GRID2: variants seen among roughly 807,000 people sequenced by gnomAD.
GRID2 encodes the protein glutamate receptor ionotropic, delta-2.
GRID2 carries 33 observed loss-of-function variants against 114.8 expected under a neutral mutation model. That is an observed-to-expected ratio of 0.29 (90% CI 0.22 to 0.38). The LOEUF is 0.38. Among genes scored for constraint, GRID2 ranks in the 10% least tolerant of loss-of-function variants. The pLI is 1.00. For missense variants in GRID2, 1,184 were observed against 1,257.7 expected (o/e 0.94, Z 0.89); for synonymous variants, 505 against 449.9 (o/e 1.12, Z -1.55).
intron 2 of GRID2, among the ~76,000 whole-genome samples, chr4:92,663,331 T>C (rs1402755436): frequency 1.3e-5 from 2 of 151,236 alleles, no homozygotes; most frequent in African/African-American, 4.8e-5. Context: ...TTCACTTGTG[T>C]AAATTGATGA....
chr4:93,628,708 T>C (rs894891208), intron 14 of GRID2, among the ~76,000 whole-genome samples: 1 of 151,806 alleles, frequency 6.6e-6, no homozygotes, highest in African/African-American at 2.4e-5. Flanking sequence ...TGATTAGTTA[T>C]GGTTAATTGG....
At chr4:93,431,465 G>C (rs1769400594) in intron 10 of GRID2, among the ~76,000 whole-genome samples, 1 of 152,122 alleles carries the variant, frequency 6.6e-6, no homozygotes, top group Non-Finnish European at 1.5e-5. Context: ...AATAAGCTAT[G>C]ACTAGCAATG....
At chr4:93,679,779 T>A (rs992940915) in intron 14 of GRID2, among the ~76,000 whole-genome samples, 5 of 149,562 alleles carry the variant, frequency 3.3e-5, no homozygotes, top group Non-Finnish European at 5.9e-5. Flanking sequence ...TTTAAAGCAG[T>A]GTGTAGAGGG....
At chr4:93,115,402 G>GACACATACACACACACACAC (rs1733146450) in intron 4 of GRID2, among the ~76,000 whole-genome samples, 1 of 144,474 alleles carries the variant, frequency 6.9e-6, no homozygotes, top group Non-Finnish European at 1.5e-5. Context: ...AGTATATACA[G>GACACATACACACACACACAC]ACACACACAC....
chr4:92,744,052 C>T (rs182990718), intron 2 of GRID2, among the ~76,000 whole-genome samples: 2 of 151,960 alleles, frequency 1.3e-5, no homozygotes, highest in East Asian at 3.9e-4. Flanking sequence ...CCTACTCAAC[C>T]TAATATCACA....
At chr4:93,374,040 G>A (rs1164577255) in intron 8 of GRID2, among the ~76,000 whole-genome samples, 1 of 152,158 alleles carries the variant, frequency 6.6e-6, no homozygotes, top group East Asian at 1.9e-4. Flanking sequence ...TTAAAACGCA[G>A]CATGCATCTG....
chr4:93,255,673 C>T (rs1749497028), intron 8 of GRID2, among the ~76,000 whole-genome samples: 1 of 152,048 alleles, frequency 6.6e-6, no homozygotes, highest in African/African-American at 2.4e-5. Context: ...AAGCCAACAC[C>T]TTGGGTCTTG....
At chr4:92,536,107 C>A (rs1191044391) in intron 1 of GRID2, among the ~76,000 whole-genome samples, 3 of 152,328 alleles carry the variant, frequency 2.0e-5, no homozygotes, top group East Asian at 1.9e-4. Context: ...CGTGAGCAGG[C>A]TGCCACTGCT....
At chr4:93,103,330 C>T (rs1344825576) in intron 3 of GRID2, among the ~76,000 whole-genome samples, 1 of 152,040 alleles carries the variant, frequency 6.6e-6, no homozygotes, top group Non-Finnish European at 1.5e-5. Flanking sequence ...CCCTGATAGC[C>T]TCTCTAGTCT....
rs182610086 is a variant in GRID2, at chr4:93,513,398, C to A, written c.1998-1818C>A. Among the ~76,000 whole-genome samples the A allele has an allele frequency of 3.3e-5, 5 of 152,194 alleles. No individual in the cohort carries two copies. The East Asian group carries it at 9.7e-4, about 29-fold the overall frequency. On this transcript the variant is annotated intron_variant, in intron 12 of 15. Coordinates refer to ENST00000282020, the MANE Select transcript of GRID2 (RefSeq NM_001510.4). ...ACAGCAGTAAATTGCTCTCTTGAAA[C>A]AAAATTTTTGTTGTTATAATATATC...
chr4:93,272,345 A>T (rs2149571278), intron 8 of GRID2, among the ~76,000 whole-genome samples: 1 of 152,320 alleles, frequency 6.6e-6, no homozygotes, highest in South Asian at 2.1e-4. Context: ...GACAGACAAC[A>T]AGACAGAGAC....
chr4:93,237,834 C>G (rs1344858866), intron 7 of GRID2, among the ~76,000 whole-genome samples: 1 of 151,700 alleles, frequency 6.6e-6, no homozygotes, highest in Non-Finnish European at 1.5e-5. Context: ...ATTTAACTTT[C>G]TTTTATTTTT....
intron 9 of GRID2, among the ~76,000 whole-genome samples, chr4:93,400,885 G>A (rs1251408889): frequency 6.6e-6 from 1 of 152,038 alleles, no homozygotes; most frequent in Non-Finnish European, 1.5e-5. Context: ...CACCCAGGCT[G>A]GAGTACAGTG....
At chr4:92,920,253 G>A (rs1749197024) in intron 2 of GRID2, among the ~76,000 whole-genome samples, 1 of 152,144 alleles carries the variant, frequency 6.6e-6, no homozygotes, top group Non-Finnish European at 1.5e-5. Context: ...CTGCACGTGA[G>A]ATAGGTTTCC....
chr4:93,229,328 A>T (rs1465267117), intron 7 of GRID2, among the ~76,000 whole-genome samples: 1 of 152,184 alleles, frequency 6.6e-6, no homozygotes, highest in Non-Finnish European at 1.5e-5. Flanking sequence ...GCTGGTTTGG[A>T]CAAAACAGAG....
intron 2 of GRID2, among the ~76,000 whole-genome samples, chr4:93,082,438 G>A (rs968271793): frequency 1.3e-5 from 2 of 152,028 alleles, no homozygotes; most frequent in South Asian, 2.1e-4. Flanking sequence ...TAAAGGATTG[G>A]GCCCTCTCAG....
intron 4 of GRID2, among the ~76,000 whole-genome samples, chr4:93,139,443 GA>G (rs1391620320): frequency 2.6e-5 from 4 of 152,154 alleles, no homozygotes; most frequent in Non-Finnish European, 5.9e-5. Context: ...AACCAGGGGG[GA>G]TGATGGAGGT....
chr4:93,401,661 A>T (rs1215461238), intron 9 of GRID2, among the ~76,000 whole-genome samples: 2 of 152,184 alleles, frequency 1.3e-5, no homozygotes, highest in Non-Finnish European at 2.9e-5. Context: ...CAATGAGAAA[A>T]ATTACTGTCT....
At chr4:93,155,040 A>G (rs1217892767) in intron 4 of GRID2, among the ~76,000 whole-genome samples, 1 of 151,898 alleles carries the variant, frequency 6.6e-6, no homozygotes, top group African/African-American at 2.4e-5. Context: ...GATTACCTAC[A>G]TAGAGGCTCC....
Sources: gnomAD v4.1 joint callset for allele counts (sites outside exome capture counted in the v4.1 genomes callset) on GRCh38, gnomAD v4.1.1 for gene constraint, MANE v1.5 for transcripts, NCBI Gene and HGNC (gene_info 2026-07-23, HGNC 2026-07-21) for gene names.